ATP6V1B1: variants seen among roughly 807,000 people sequenced by gnomAD.
ATP6V1B1 encodes the protein V-type proton ATPase subunit B, kidney isoform.
In ATP6V1B1, 41 loss-of-function variants were observed where a neutral mutation model predicts 62.1. That is an observed-to-expected ratio of 0.66 (90% confidence interval 0.51 to 0.86). The LOEUF (loss-of-function observed/expected upper bound fraction) is 0.86. Ranked by LOEUF, ATP6V1B1 falls within the 40% of genes least tolerant of loss-of-function variation. ATP6V1B1 has a pLI of 0.00. For missense variants in ATP6V1B1, 651 were observed against 697.5 expected, an observed-to-expected ratio of 0.93 and a Z score of 0.75; for synonymous variants, 253 against 273.4, an observed-to-expected ratio of 0.93 and a Z score of 0.74.
intron 2 of ATP6V1B1, chr2:70,944,223 A>G: frequency 7.8e-7 from 1 of 1,289,106 alleles, no homozygotes; most frequent in South Asian, 1.2e-5. Context: ...TCTCAGCAAC[A>G]TGGGTGGTAA....
chr2:70,964,114 A>ATTTTTTTTTTTTGT (rs1680655933), intron 11 of ATP6V1B1: 1 of 121,306 alleles, frequency 8.2e-6, no homozygotes, highest in African/African-American at 5.9e-5. Flanking sequence ...CTTGGCAGGT[A>ATTTTTTTTTTTTGT]TTTTTTTTTT....
rs1553419969 is a variant in ATP6V1B1, at chr2:70,960,983, C to A, written c.648C>A (p.Tyr216Ter). The A allele has an allele frequency of 6.2e-7, 1 of 1,605,288 alleles. No homozygotes were observed. The highest frequency in any genetic ancestry group is 2.3e-5 in the East Asian group (1 of 44,440). The change falls in exon 7 of 14, where the codon TAC (tyrosine) becomes TAA (stop). Residue 216 changes from tyrosine to a stop codon, truncating the protein, a stop_gained. Transcript: ENST00000234396. LOFTEE classifies it high-confidence loss of function. Reference sequence around the variant, plus strand: ...AGAAGTCCAAGGCTGTGCTGGATTACCATGACGACAACTTCGCCATCGTCT... The same window carrying A: ...AGAAGTCCAAGGCTGTGCTGGATTAACATGACGACAACTTCGCCATCGTCT... ...LVKKSKAVLD[Y>*]HDDNFAIVFA...
Position 70,957,251 on chromosome 2 carries a change from A to ATG in ATP6V1B1, c.175-794_175-793insGT, listed in dbSNP as rs1491365364. ...CAGGTGTGCACCACCACACCTGGCA[A>ATG]TATATATATATATATATATAGCATT... is the stretch of plus-strand genomic sequence containing the variant. On this transcript the variant is annotated intron_variant, in intron 2 of 13. Transcript: ENST00000234396. Among the ~76,000 whole-genome samples, 146 of 3,370 alleles carry ATG rather than the reference A, an allele frequency of 0.043. 8 individuals are homozygous for ATG. In the East Asian group the frequency reaches 0.46, roughly 11 times the overall value. 2.2% of individuals were successfully genotyped at this position (3,370 alleles called of 152,430 possible).
intron 1 of ATP6V1B1, chr2:70,943,410 A>G: frequency 1.6e-6 from 1 of 642,542 alleles, no homozygotes; most frequent in Non-Finnish European, 2.8e-6. Flanking sequence ...GCGGACTCTG[A>G]GGAGGCCTCT....
intron 1 of ATP6V1B1, among the ~76,000 whole-genome samples, chr2:70,936,863 G>C (rs1286819987): frequency 1.3e-5 from 2 of 152,178 alleles, no homozygotes; most frequent in East Asian, 3.9e-4. Flanking sequence ...ACAGGTGCTG[G>C]GATGTACCCT....
intron 1 of ATP6V1B1, among the ~76,000 whole-genome samples, chr2:70,937,046 C>T (rs1679870592): frequency 6.6e-6 from 1 of 151,740 alleles, no homozygotes; most frequent in Non-Finnish European, 1.5e-5. Flanking sequence ...CTGGAGTAAA[C>T]CAGCATGGCC....
In ATP6V1B1 at chr2:70,959,027, TC is replaced by T; in HGVS notation, c.378del (p.Phe126LeufsTer38). 1 of 1,614,144 alleles carries T rather than the reference TC, an allele frequency of 6.2e-7. No homozygotes were observed. Among genetic ancestry groups the T allele is most frequent in the Non-Finnish European group, 8.5e-7 (1 of 1,180,010 alleles). On this transcript the variant is annotated frameshift_variant, in exon 5 of 14. Transcript: ENST00000234396. LOFTEE classifies it high-confidence loss of function. The surrounding 1 kb of genome is among the most constrained non-coding windows in gnomAD (Gnocchi z 4.2). ...CCTCGTCCACCCTCAGGTCGGGTTT[TC>T]AATGGCTCCGGCAAGCCCATTGACA... ...PVSEDMLGRV[F>X]NGSGKPIDKG...
intron 2 of ATP6V1B1, chr2:70,944,191 A>G (rs782338301): frequency 4.7e-6 from 6 of 1,289,488 alleles, no homozygotes; most frequent in Non-Finnish European, 1.0e-6. Flanking sequence ...GATGGCCTCC[A>G]AAGGCCTTTG....
chr2:70,955,595 C>T (rs1405634204), intron 2 of ATP6V1B1, among the ~76,000 whole-genome samples: 1 of 152,058 alleles, frequency 6.6e-6, no homozygotes, highest in East Asian at 1.9e-4. Context: ...GCCTGCTGTG[C>T]CTGACTTTTT....
intron 1 of ATP6V1B1, chr2:70,941,090 A>G: frequency 2.1e-6 from 1 of 470,770 alleles, no homozygotes; most frequent in African/African-American, 2.1e-5. Flanking sequence ...CTAATTTTTA[A>G]ATTTTTCTGT....
chr2:70,944,079 G>A (rs769684857), intron 2 of ATP6V1B1: 327 of 1,287,534 alleles, frequency 2.5e-4, no homozygotes, highest in Middle Eastern at 4.3e-4. Context: ...TAACCTCCTC[G>A]AGGGCTAGAC....
rs1680693073 is a variant in ATP6V1B1, at chr2:70,965,115, G to C, written c.1536G>C (p.Ala512=). ...GALQDLAPDT[A]L ...TGCAGGACCTCGCGCCTGACACTGCGCTCTAGCCCCGCGCGCCGTGGCACC... is the reference window on the plus strand; with the variant it reads ...TGCAGGACCTCGCGCCTGACACTGCCCTCTAGCCCCGCGCGCCGTGGCACC... The change falls in exon 14 of 14, where the codon GCG becomes GCC. Residue 512 remains alanine (A), a synonymous_variant. Transcript: ENST00000234396. The C allele has an allele frequency of 6.2e-7, 1 of 1,609,902 alleles. No homozygotes were observed. Among genetic ancestry groups the C allele is most frequent in the Non-Finnish European group, 8.5e-7 (1 of 1,179,952 alleles).
chr2:70,938,719 A>G (rs1279894214), intron 1 of ATP6V1B1: 1 of 985,272 alleles, frequency 1.0e-6, no homozygotes, highest in Admixed American at 6.1e-5. Flanking sequence ...ATGGTTCCCC[A>G]AGGGCCTTGG....
rs1470069127 is a variant in ATP6V1B1, at chr2:70,959,322, C to T, written c.445+227C>T. ...GCAGTGTTCCACGCCTGCCCGAAGG[C>T]CATCATGCCCCTGCCTTTGGCTTCC... On this transcript the variant is annotated intron_variant, in intron 5 of 13. Transcript: ENST00000234396. The surrounding 1 kb of genome is among the most constrained non-coding windows in gnomAD (Gnocchi z 4.2). Among the ~76,000 whole-genome samples the T allele has an allele frequency of 2.0e-5, 3 of 152,240 alleles. No individual in the cohort carries two copies. The highest frequency in any genetic ancestry group is 7.2e-5 in the African/African-American group (3 of 41,472).
chr2:70,964,524 A>G lies in ATP6V1B1; in HGVS notation c.1230A>G (p.Gly410=), dbSNP rs143225024. 143 of 1,614,150 alleles carry G rather than the reference A, an allele frequency of 8.9e-5. No individual in the cohort carries two copies. The African/African-American group carries it at 1.5e-3, about 17-fold the overall frequency. Reference sequence around the variant, plus strand: ...AAGGCATGACAAGAAAGGACCATGGAGATGTCTCCAACCAGCTGGTAAGGA... The same window carrying G: ...AAGGCATGACAAGAAAGGACCATGGGGATGTCTCCAACCAGCTGGTAAGGA... ...IGEGMTRKDH[G]DVSNQLYACY... Residue 410 remains glycine, a synonymous_variant, in exon 12 of 14, where the codon GGA becomes GGG. Coordinates refer to ENST00000234396, the MANE Select transcript of ATP6V1B1 (RefSeq NM_001692.4).
intron 2 of ATP6V1B1, chr2:70,944,044 G>A: frequency 7.6e-7 from 1 of 1,319,638 alleles, no homozygotes; most frequent in South Asian, 1.5e-5. Context: ...CTCAGAGGAA[G>A]GCTGGACCAC....
At position 70,943,719 on chromosome 2, in the gene ATP6V1B1, ACT is replaced by A; in HGVS notation, c.174+9_174+10del. On this transcript the variant is annotated splice_region_variant and intron_variant, in intron 2 of 13. Transcript: ENST00000234396. ...TGGTGCTGGACCGGGTCAAGGTAAGACTCTTCTGCTGCCTCCCTGGCACTAAG... is the reference window on the plus strand; with the variant it reads ...TGGTGCTGGACCGGGTCAAGGTAAGACTTCTGCTGCCTCCCTGGCACTAAG... The A allele has an allele frequency of 6.2e-7, 1 of 1,612,706 alleles. No individual in the cohort carries two copies. The highest frequency in any genetic ancestry group is 1.3e-5 in the African/African-American group (1 of 74,714).
rs368814369 is a variant in ATP6V1B1 at position 70,965,003 on chromosome 2, G to A, written c.1424G>A (p.Trp475Ter). The part of the protein sequence containing the change: ...RSVFESLDLG[W>*]KLLRIFPKEM... Reference sequence around the variant, plus strand: ...GTGTTCGAGTCGCTGGACCTGGGCTGGAAGCTGCTGCGCATCTTCCCCAAG... The same window carrying A: ...GTGTTCGAGTCGCTGGACCTGGGCTAGAAGCTGCTGCGCATCTTCCCCAAG... The change falls in exon 14 of 14, where the codon TGG becomes TAG. Residue 475 changes from tryptophan (W) to a stop codon, truncating the protein, a stop_gained. Transcript: ENST00000234396. LOFTEE classifies it high-confidence loss of function. 1 of 1,613,730 alleles carries A rather than the reference G, an allele frequency of 6.2e-7. No individual in the cohort carries two copies. The highest frequency in any genetic ancestry group is 8.5e-7 in the Non-Finnish European group (1 of 1,180,038).
intron 1 of ATP6V1B1, chr2:70,938,446 G>C (rs1289866662): frequency 1.4e-5 from 9 of 642,888 alleles, no homozygotes; most frequent in Non-Finnish European, 1.7e-5. Flanking sequence ...TGGGAGAAAA[G>C]CTGGGGGTGC....
Sources: allele counts gnomAD v4.1 joint callset (sites outside exome capture counted in the v4.1 genomes callset), GRCh38; gene constraint gnomAD v4.1.1; non-coding constraint Gnocchi (gnomAD v3.1); transcripts MANE v1.5; gene names NCBI Gene and HGNC (gene_info 2026-07-23, HGNC 2026-07-21).